Variants in RMST observed in about 807,000 individuals in gnomAD.
RMST encodes rhabdomyosarcoma 2 associated transcript, also known as long intergenic non-protein coding RNA 54.
intron 5 of RMST, among the ~76,000 whole-genome samples, chr12:97,466,336 A>T (rs1717646908): frequency 6.6e-6 from 1 of 152,180 alleles, no homozygotes; most frequent in Admixed American, 6.5e-5. Flanking sequence ...CTGGGGTTTT[A>T]CAGAGCTCAA....
chr12:97,539,647 C>T (rs1882350650), intron 11 of RMST, among the ~76,000 whole-genome samples: 1 of 151,532 alleles, frequency 6.6e-6, no homozygotes, highest in South Asian at 2.1e-4. Context: ...TTTGTTTTAA[C>T]CTTCATGTGG....
intron 5 of RMST, among the ~76,000 whole-genome samples, chr12:97,472,103 GAAT>G (rs1202679923): frequency 6.6e-6 from 1 of 152,096 alleles, no homozygotes; most frequent in Non-Finnish European, 1.5e-5. Context: ...AGTGACGCAC[GAAT>G]AATACCATTC....
chr12:97,515,593 A>C (rs1879846108), intron 10 of RMST, among the ~76,000 whole-genome samples: 1 of 152,108 alleles, frequency 6.6e-6, no homozygotes, highest in Non-Finnish European at 1.5e-5. Context: ...GGAGCTCAAT[A>C]ATAATTAAGT....
chr12:97,492,408 G>A (rs1188228925), intron 5 of RMST: 1 of 155,328 alleles, frequency 6.4e-6, no homozygotes, highest in Non-Finnish European at 1.4e-5. Context: ...AAGTTTTTTT[G>A]TTTATTTGTT....
intron 13 of RMST, chr12:97,563,372 G>C (rs1884279258): frequency 4.9e-6 from 1 of 203,670 alleles, no homozygotes; most frequent in Admixed American, 5.8e-5. Flanking sequence ...CTCCCCACCT[G>C]ACCCAAAATG....
chr12:97,474,876 C>G (rs17390909), intron 5 of RMST, among the ~76,000 whole-genome samples: 14,436 of 152,150 alleles, frequency 0.095, 758 homozygotes, highest in Middle Eastern at 0.16. Context: ...TAGGCATACT[C>G]ACTTTGTTAC....
intron 11 of RMST, among the ~76,000 whole-genome samples, chr12:97,554,407 C>T (rs999674526): frequency 7.9e-5 from 12 of 152,010 alleles, no homozygotes; most frequent in East Asian, 3.9e-4. Flanking sequence ...AAAAGATGCA[C>T]GCATCAGATA....
intron 11 of RMST, chr12:97,533,228 G>A (rs1176282445): frequency 6.6e-6 from 1 of 151,750 alleles, no homozygotes; most frequent in Non-Finnish European, 1.5e-5. Flanking sequence ...CACTGAAAAT[G>A]CATGCTCCCA....
At chr12:97,500,546 C>T (rs1877973566) in intron 10 of RMST, among the ~76,000 whole-genome samples, 1 of 152,194 alleles carries the variant, frequency 6.6e-6, no homozygotes, top group African/African-American at 2.4e-5. Flanking sequence ...GTTATTTGAT[C>T]CTTAAACCAC....
chr12:97,540,334 G>GC (rs1240792131), intron 11 of RMST, among the ~76,000 whole-genome samples: 1 of 151,740 alleles, frequency 6.6e-6, no homozygotes, highest in Non-Finnish European at 1.5e-5. Context: ...TGGCCCAGGG[G>GC]CCATAAGCCC....
intron 5 of RMST, among the ~76,000 whole-genome samples, chr12:97,479,993 A>G (rs762564557): frequency 2.0e-5 from 3 of 152,110 alleles, no homozygotes; most frequent in Non-Finnish European, 4.4e-5. Flanking sequence ...TAGAAACCCA[A>G]GAATCACTTT....
chr12:97,481,964 C>T (rs925090085), intron 5 of RMST, among the ~76,000 whole-genome samples: 13 of 152,176 alleles, frequency 8.5e-5, no homozygotes, highest in African/African-American at 3.1e-4. Context: ...TTCAGATTTA[C>T]AAACATTGTT....
intron 10 of RMST, among the ~76,000 whole-genome samples, chr12:97,502,504 A>T (rs1280941309): frequency 6.6e-6 from 1 of 152,230 alleles, no homozygotes; most frequent in Admixed American, 6.5e-5. Flanking sequence ...CTCTGCCACC[A>T]GGCTGCAGTA....
chr12:97,519,948 T>C (rs1880341073), intron 10 of RMST, among the ~76,000 whole-genome samples: 1 of 152,186 alleles, frequency 6.6e-6, no homozygotes, highest in Non-Finnish European at 1.5e-5. Context: ...AAAAGCATTA[T>C]TCATTTGGAA....
At chr12:97,541,458 A>G (rs1475270956) in intron 11 of RMST, 2 of 151,816 alleles carry the variant, frequency 1.3e-5, no homozygotes, top group Non-Finnish European at 2.9e-5. Context: ...ATATTAAGAA[A>G]TCCAGGTTTC....
intron 5 of RMST, among the ~76,000 whole-genome samples, chr12:97,471,610 T>C (rs753861379): frequency 6.6e-6 from 1 of 152,152 alleles, no homozygotes; most frequent in African/African-American, 2.4e-5. Flanking sequence ...GGCTCCCCTT[T>C]AACCCTAACT....
chr12:97,538,560 A>G (rs1378871939), intron 11 of RMST, among the ~76,000 whole-genome samples: 1 of 151,320 alleles, frequency 6.6e-6, no homozygotes, highest in Non-Finnish European at 1.5e-5. Context: ...CTTAATGCAT[A>G]ATAAGTCTCC....
At chr12:97,486,910 T>C (rs1328362484) in intron 5 of RMST, among the ~76,000 whole-genome samples, 2 of 152,218 alleles carry the variant, frequency 1.3e-5, no homozygotes, top group Non-Finnish European at 2.9e-5. Context: ...ATACGACTTG[T>C]AATTGTGTGA....
In RMST at chr12:97,523,037, A is replaced by G. The variant is rs564998435; in HGVS notation, n.1341-7618A>G. Among the ~76,000 whole-genome samples the G allele has an allele frequency of 5.9e-5, 9 of 152,362 alleles. No homozygotes were observed. In the South Asian group the frequency reaches 8.3e-4, roughly 14 times the overall value. ...CCAGAATTGTTTGAAGCTAGGCTGT[A>G]TCAGCTTCCTGAAGGTAAAATATTG... On this transcript the variant is annotated intron_variant and non_coding_transcript_variant, in intron 10 of 13. Transcript: ENST00000640149.
Sources: allele counts gnomAD v4.1 joint callset (sites outside exome capture counted in the v4.1 genomes callset), GRCh38; gene constraint gnomAD v4.1.1; transcripts MANE v1.5; gene names NCBI Gene and HGNC (gene_info 2026-07-23, HGNC 2026-07-21).